Variants in PPIG observed in about 807,000 individuals in gnomAD.
PPIG encodes the protein peptidyl-prolyl cis-trans isomerase G.
In PPIG, 26 loss-of-function variants were observed where a neutral mutation model predicts 87.9. The ratio of observed to expected loss-of-function variants is 0.30; its 90% CI spans 0.22 to 0.41. The LOEUF is 0.41. PPIG is among the 10% of genes least tolerant of loss of function. The pLI is 1.00. For missense variants in PPIG, 722 were observed against 879.4 expected, an observed-to-expected ratio of 0.82 and a Z score of 2.26; for synonymous variants, 308 against 276.5, an observed-to-expected ratio of 1.11 and a Z score of -1.13.
At chr2:169,610,770 T>C (rs953922420) in intron 7 of PPIG, among the ~76,000 whole-genome samples, 1 of 152,228 alleles carries the variant, frequency 6.6e-6, no homozygotes, top group African/African-American at 2.4e-5. Context: ...CACTTAACAG[T>C]ATATCCTTAA....
At chr2:169,618,096 A>G (rs1685649761) in intron 9 of PPIG, among the ~76,000 whole-genome samples, 1 of 152,144 alleles carries the variant, frequency 6.6e-6, no homozygotes, top group African/African-American at 2.4e-5. Flanking sequence ...CCTTTTCCAC[A>G]TCTATTGAGA....
chr2:169,591,207 T>C (rs1352448521), intron 1 of PPIG, among the ~76,000 whole-genome samples: 1 of 152,240 alleles, frequency 6.6e-6, no homozygotes, highest in African/African-American at 2.4e-5. Flanking sequence ...CATTTAGTCA[T>C]GTTATTTTAG....
intron 12 of PPIG, 34 bp from the exon 13 acceptor site, chr2:169,636,058 T>G: frequency 6.5e-7 from 1 of 1,542,336 alleles, no homozygotes; most frequent in Non-Finnish European, 8.8e-7. Context: ...TATACTTCTA[T>G]ACATTAATTT....
intron 10 of PPIG, 153 bp from the exon 11 acceptor site, chr2:169,631,613 G>A (rs1471921617): frequency 7.0e-7 from 1 of 1,428,386 alleles, no homozygotes; most frequent in African/African-American, 1.5e-5. Context: ...TTTGTCAGAG[G>A]AATAGAAGAT....
rs1303580765 is a variant in PPIG, at chr2:169,636,137, C to T, written c.1063C>T (p.Arg355Cys). ...SRSRSRDRFR[R>C]SETPPHWRQE... The stretch of plus-strand genomic sequence containing the variant: ...ATCCAGATCAAGGGATCGTTTCAGA[C>T]GTAGTGAGACTCCTCCACATTGGAG... Residue 355 changes from arginine (R) to cysteine (C), a missense_variant, in exon 13 of 14, where the codon CGT becomes TGT. Physicochemically the swap from Arg to Cys is radical, Grantham distance 180. Coordinates refer to ENST00000260970, the MANE Select transcript of PPIG (RefSeq NM_004792.3). The T allele has an allele frequency of 4.3e-6, 7 of 1,610,998 alleles. No homozygotes were observed. Among genetic ancestry groups the T allele is most frequent in the Middle Eastern group, 1.6e-4 (1 of 6,062 alleles).
intron 1 of PPIG, among the ~76,000 whole-genome samples, chr2:169,596,082 GC>G (rs1251889195): frequency 6.7e-6 from 1 of 150,238 alleles, no homozygotes; most frequent in African/African-American, 2.5e-5. Context: ...GGGATTACAG[GC>G]CTGAGCCACT....
intron 5 of PPIG, 65 bp from the exon 6 acceptor site, chr2:169,607,039 T>G: frequency 2.1e-6 from 2 of 968,870 alleles, no homozygotes; most frequent in Non-Finnish European, 3.2e-6. Flanking sequence ...ACAAGAAGTA[T>G]TTTGTTTAGG....
At chr2:169,616,163 G>T (rs1298006856) in intron 9 of PPIG, among the ~76,000 whole-genome samples, 1 of 152,132 alleles carries the variant, frequency 6.6e-6, no homozygotes, top group Admixed American at 6.5e-5. Flanking sequence ...CCATGTCCCT[G>T]AAAAGGACAT....
chr2:169,591,148 G>A (rs919002328), intron 1 of PPIG, among the ~76,000 whole-genome samples: 1 of 152,180 alleles, frequency 6.6e-6, no homozygotes, highest in Non-Finnish European at 1.5e-5. Flanking sequence ...TGCCATGTCC[G>A]CTACTATATA....
rs184599131 is a variant in PPIG at position 169,624,737 on chromosome 2, A to G, written c.548-6037A>G. Among the ~76,000 whole-genome samples, 1,145 of 152,092 alleles carry G rather than the reference A, an allele frequency of 7.5e-3. 26 individuals are homozygous for G. The highest frequency in any genetic ancestry group is 0.048 in the Admixed American group (728 of 15,270). On this transcript the variant is annotated intron_variant, in intron 9 of 13. Transcript: ENST00000260970. ...TGAGTAGCTAGGACTACAGGCGCCC[A>G]CCACCACGCCCGGCTAATTTCTTTT...
chr2:169,640,421 TA>T lies in PPIG; in HGVS notation c.*2899del, dbSNP rs1686284871. 6.6e-6 allele frequency: 1 copy of T among 152,202 alleles called. No homozygotes were observed. The allele number at this position is 152,202 out of a possible 1,614,324, so 9.4% of individuals were successfully genotyped here. A position where few individuals can be genotyped will look rare whatever the true frequency, so the allele number is the denominator to read the frequency against. On this transcript the variant is annotated 3_prime_UTR_variant, in exon 14 of 14. Transcript: ENST00000260970. The stretch of plus-strand genomic sequence containing the variant: ...GACAATTCTAATTTATTTTAGTTAG[TA>T]TATGTAGCAAGTTAGTATGTTTGTT...
intron 7 of PPIG, among the ~76,000 whole-genome samples, chr2:169,611,714 C>G (rs6433127): frequency 3.9e-5 from 6 of 152,094 alleles, no homozygotes; most frequent in African/African-American, 1.4e-4. Flanking sequence ...TAAAATCTTT[C>G]CTGCACTAAC....
intron 12 of PPIG, among the ~76,000 whole-genome samples, chr2:169,634,226 A>G (rs1311528235): frequency 1.3e-5 from 2 of 151,822 alleles, no homozygotes; most frequent in African/African-American, 2.4e-5. Context: ...ACATCTGGCT[A>G]ATTTTTGTAT....
chr2:169,627,612 G>GAC lies in PPIG; in HGVS notation c.548-3161_548-3160dup, dbSNP rs535292291. ...TGCGATCATGGCTCACTGCAGCCTC[G>GAC]ACCTCCCAGGCTTAAGTGATTCTCC... On this transcript the variant is annotated intron_variant, in intron 9 of 13. Transcript: ENST00000260970. Among the ~76,000 whole-genome samples the GAC allele has an allele frequency of 1.5e-3, 229 of 150,538 alleles. 2 individuals are homozygous for GAC. The highest frequency in any genetic ancestry group is 5.1e-3 in the African/African-American group (208 of 40,840).
intron 7 of PPIG, among the ~76,000 whole-genome samples, chr2:169,612,468 C>T (rs542591582): frequency 6.6e-6 from 1 of 151,212 alleles, no homozygotes; most frequent in South Asian, 2.1e-4. Flanking sequence ...ACTGCAAGCT[C>T]CACCTCCCGG....
At chr2:169,602,533 C>T (rs1023554560) in intron 1 of PPIG, among the ~76,000 whole-genome samples, 2 of 152,112 alleles carry the variant, frequency 1.3e-5, no homozygotes, top group Non-Finnish European at 1.5e-5. Context: ...TCAGGCTGGT[C>T]TCGAACTCCT....
chr2:169,623,505 C>T (rs373329576), intron 9 of PPIG, among the ~76,000 whole-genome samples: 2 of 152,104 alleles, frequency 1.3e-5, no homozygotes, highest in African/African-American at 4.8e-5. Context: ...AGAGTTGTGG[C>T]AACATGGCGG....
intron 4 of PPIG, 65 bp downstream of exon 4, chr2:169,604,326 G>GTTTT: frequency 4.1e-6 from 2 of 488,302 alleles, no homozygotes; most frequent in South Asian, 3.4e-5. Context: ...TTGCTTGCTT[G>GTTTT]GTTTTTTTTT....
intron 1 of PPIG, among the ~76,000 whole-genome samples, chr2:169,593,126 G>GTA (rs35247968): frequency 0.14 from 21,444 of 149,334 alleles, 1,571 homozygotes; most frequent in African/African-American, 0.16. Flanking sequence ...GACTGTGTGT[G>GTA]TATATATATA....
Sources: gnomAD v4.1 joint callset for allele counts (sites outside exome capture counted in the v4.1 genomes callset) on GRCh38, gnomAD v4.1.1 for gene constraint, MANE v1.5 for transcripts, NCBI Gene and HGNC (gene_info 2026-07-23, HGNC 2026-07-21) for gene names.